The following MACROD2 variants were observed in gnomAD, a reference collection of about 807,000 sequenced individuals.
MACROD2 encodes ADP-ribose glycohydrolase MACROD2.
Under a neutral mutation model 70.4 loss-of-function variants are expected in MACROD2, and 36 were observed. The observed-to-expected ratio is 0.51, with a 90% CI of 0.39 to 0.68. The LOEUF is 0.68. MACROD2 is among the 30% of genes least tolerant of loss of function. The pLI is 0.00. For synonymous variants in MACROD2, 172 were observed against 178.8 expected (o/e 0.96, Z 0.30); for missense variants, 496 against 538.4 (o/e 0.92, Z 0.78).
chr20:14,601,847 T>C (rs1982518275), intron 4 of MACROD2, among the ~76,000 whole-genome samples: 1 of 152,174 alleles, frequency 6.6e-6, no homozygotes, highest in African/African-American at 2.4e-5. Context: ...AAAATAAAAC[T>C]GACCTTTGTT....
chr20:15,987,121 A>G lies in MACROD2; in HGVS notation c.1116A>G (p.Pro372=). 1.2e-6 allele frequency: 2 copies of G among 1,612,458 alleles called. No individual in the cohort carries two copies. Among genetic ancestry groups the G allele is most frequent in the South Asian group, 1.1e-5 (1 of 90,646 alleles). The change falls in exon 15 of 18, where the codon CCA becomes CCG. Residue 372 remains proline (P), a synonymous_variant. Transcript: ENST00000684519. ...TTGTGGAGCAACCAGAAGTGATTCC[A>G]TTAACAGAGGACCAAGAAGAAAAAG... ...AVIVEQPEVI[P]LTEDQEEKEG...
intron 5 of MACROD2, among the ~76,000 whole-genome samples, chr20:14,787,688 G>T (rs1272918116): frequency 6.6e-6 from 1 of 152,072 alleles, no homozygotes; most frequent in East Asian, 1.9e-4. Context: ...CCATGTTCCC[G>T]TGTTGAGACT....
At chr20:15,627,903 C>T (rs1208628810) in intron 8 of MACROD2, among the ~76,000 whole-genome samples, 3 of 152,098 alleles carry the variant, frequency 2.0e-5, no homozygotes, top group African/African-American at 7.2e-5. Flanking sequence ...AAGGGAAAGG[C>T]AAGATGGGGG....
intron 4 of MACROD2, among the ~76,000 whole-genome samples, chr20:14,599,290 T>G (rs1218901696): frequency 6.6e-6 from 1 of 152,152 alleles, no homozygotes. Context: ...GTAAGTACTG[T>G]TAAAGCGTTG....
At chr20:15,063,259 A>T (rs748397870) in intron 5 of MACROD2, among the ~76,000 whole-genome samples, 2 of 148,858 alleles carry the variant, frequency 1.3e-5, no homozygotes, top group Admixed American at 6.7e-5. Context: ...ATCATATATG[A>T]TGCTGTCAAG....
chr20:14,878,650 T>G (rs183108191), intron 5 of MACROD2, among the ~76,000 whole-genome samples: 28 of 152,190 alleles, frequency 1.8e-4, no homozygotes, highest in Non-Finnish European at 4.0e-4. Flanking sequence ...AAGAACATTT[T>G]CAATTCTACC....
chr20:15,832,426 A>G (rs1369469602), intron 8 of MACROD2, among the ~76,000 whole-genome samples: 1 of 152,138 alleles, frequency 6.6e-6, no homozygotes, highest in East Asian at 1.9e-4. Context: ...TGGAATGGAA[A>G]AAATACAGGG....
intron 6 of MACROD2, among the ~76,000 whole-genome samples, chr20:15,342,843 A>G (rs1028890310): frequency 7.2e-5 from 11 of 152,186 alleles, no homozygotes; most frequent in African/African-American, 2.7e-4. Flanking sequence ...TCTATCACAC[A>G]CCCACCTTGA....
At chr20:15,972,156 T>C (rs137990757) in intron 13 of MACROD2, among the ~76,000 whole-genome samples, 2 of 151,484 alleles carry the variant, frequency 1.3e-5, no homozygotes, top group East Asian at 3.9e-4. Flanking sequence ...GATGAAGCAA[T>C]AGAAGCTATC....
chr20:14,044,728 T>C (rs2263690), intron 2 of MACROD2, among the ~76,000 whole-genome samples: 140,740 of 152,258 alleles, frequency 0.92, 65,118 homozygotes, highest in East Asian at 1. Flanking sequence ...TAAAGATTCT[T>C]CAAGTCACCA....
At chr20:14,345,179 C>G (rs1356504219) in intron 3 of MACROD2, among the ~76,000 whole-genome samples, 1 of 152,068 alleles carries the variant, frequency 6.6e-6, no homozygotes, top group Non-Finnish European at 1.5e-5. Flanking sequence ...CTGAATTATA[C>G]TTTGTCTAGG....
chr20:14,439,766 T>C (rs185117225), intron 3 of MACROD2, among the ~76,000 whole-genome samples: 1 of 152,324 alleles, frequency 6.6e-6, no homozygotes, highest in East Asian at 1.9e-4. Flanking sequence ...GCTAGACACA[T>C]AGAAAGAACT....
intron 3 of MACROD2, among the ~76,000 whole-genome samples, chr20:14,274,176 G>A (rs1328614728): frequency 6.6e-6 from 1 of 152,076 alleles, no homozygotes; most frequent in Non-Finnish European, 1.5e-5. Context: ...ACCAAAGCTG[G>A]GCAGAGACAT....
At chr20:14,398,059 C>A (rs2083599189) in intron 3 of MACROD2, among the ~76,000 whole-genome samples, 1 of 151,964 alleles carries the variant, frequency 6.6e-6, no homozygotes, top group South Asian at 2.1e-4. Context: ...ATGGATTTTT[C>A]ATTTTTTATT....
intron 6 of MACROD2, among the ~76,000 whole-genome samples, chr20:15,274,169 T>C (rs1432040097): frequency 3.9e-5 from 6 of 152,198 alleles, no homozygotes; most frequent in Admixed American, 3.9e-4. Context: ...AGGGGTTGTA[T>C]TGTATCTTAG....
At chr20:15,344,753 G>C (rs1380755985) in intron 6 of MACROD2, among the ~76,000 whole-genome samples, 3 of 152,178 alleles carry the variant, frequency 2.0e-5, no homozygotes, top group African/African-American at 7.2e-5. Context: ...CCAAGATGTA[G>C]AATTAGTGAC....
At chr20:15,222,723 C>T (rs2076872486) in intron 5 of MACROD2, among the ~76,000 whole-genome samples, 1 of 152,216 alleles carries the variant, frequency 6.6e-6, no homozygotes. Flanking sequence ...TGTTCATTAA[C>T]AGTTTGAATG....
At chr20:15,212,097 G>A (rs577122713) in intron 5 of MACROD2, among the ~76,000 whole-genome samples, 2 of 152,214 alleles carry the variant, frequency 1.3e-5, no homozygotes, top group South Asian at 2.1e-4. Context: ...TGCATTTCCG[G>A]AAGAACTAAG....
chr20:15,972,169 A>G (rs935756077), intron 13 of MACROD2, among the ~76,000 whole-genome samples: 3 of 151,906 alleles, frequency 2.0e-5, no homozygotes, highest in Admixed American at 2.0e-4. Flanking sequence ...AAGCTATCCA[A>G]ATGAAAACAG....
Sources: allele counts gnomAD v4.1 joint callset (sites outside exome capture counted in the v4.1 genomes callset), GRCh38; gene constraint gnomAD v4.1.1; transcripts MANE v1.5; gene names NCBI Gene and HGNC (gene_info 2026-07-23, HGNC 2026-07-21).